The following LDLRAD3 variants were observed in gnomAD, a reference collection of about 807,000 sequenced individuals.
The protein encoded by LDLRAD3 is low-density lipoprotein receptor class A domain-containing protein 3.
A neutral mutation model predicts 29.4 loss-of-function variants in LDLRAD3; 20 were observed. The ratio of observed to expected loss-of-function variants is 0.68; its 90% CI spans 0.48 to 0.99. The LOEUF is 0.99. Among genes scored for constraint, LDLRAD3 ranks in the 50% least tolerant of loss-of-function variants. LDLRAD3 has a pLI of 0.00. For missense variants in LDLRAD3, 420 were observed against 454.3 expected, an observed-to-expected ratio of 0.92 and a Z score of 0.69; for synonymous variants, 157 against 192.7, an observed-to-expected ratio of 0.81 and a Z score of 1.53.
chr11:36,033,583 T>A (rs897294718), intron 1 of LDLRAD3, among the ~76,000 whole-genome samples: 6 of 152,204 alleles, frequency 3.9e-5, no homozygotes, highest in African/African-American at 1.4e-4. Flanking sequence ...TGTAAGTATT[T>A]CCAAACAAAG....
At chr11:36,021,379 A>T (rs548992827) in intron 1 of LDLRAD3, among the ~76,000 whole-genome samples, 1 of 152,272 alleles carries the variant, frequency 6.6e-6, no homozygotes, top group Admixed American at 6.5e-5. Context: ...ATGATCAGAG[A>T]GCCAGGTGTG....
At chr11:36,148,473 A>T (rs1267903074) in intron 4 of LDLRAD3, among the ~76,000 whole-genome samples, 2 of 151,996 alleles carry the variant, frequency 1.3e-5, no homozygotes, top group African/African-American at 2.4e-5. Flanking sequence ...TGCCTTTATG[A>T]TTTTTCTCTC....
chr11:36,096,694 G>A lies in LDLRAD3; in HGVS notation c.320-1633G>A, dbSNP rs184244740. Among the ~76,000 whole-genome samples, 118 of 152,374 alleles carry A rather than the reference G, an allele frequency of 7.7e-4. No homozygotes were observed. The Middle Eastern group carries it at 0.01, about 13-fold the overall frequency. On this transcript the variant is annotated intron_variant, in intron 3 of 5. Transcript: ENST00000315571. ...ATCAGCTTTTTGGCCTGTGGCTGGC[G>A]TAGCCATACAGGGCCAGTGCTTAGC...
At chr11:36,102,901 T>C (rs1853471019) in intron 4 of LDLRAD3, among the ~76,000 whole-genome samples, 1 of 152,156 alleles carries the variant, frequency 6.6e-6, no homozygotes, top group African/African-American at 2.4e-5. Context: ...GATCCCCACC[T>C]CCTGGTATTC....
intron 1 of LDLRAD3, among the ~76,000 whole-genome samples, chr11:36,031,708 C>T (rs1213352672): frequency 2.6e-5 from 4 of 152,288 alleles, no homozygotes; most frequent in South Asian, 2.1e-4. Flanking sequence ...GCGTGAAAAA[C>T]GGGGACCAGC....
At chr11:36,117,348 T>G (rs1157724007) in intron 4 of LDLRAD3, among the ~76,000 whole-genome samples, 1 of 152,204 alleles carries the variant, frequency 6.6e-6, no homozygotes, top group African/African-American at 2.4e-5. Flanking sequence ...TGCAGGGTGT[T>G]AAAATCTGAC....
intron 1 of LDLRAD3, among the ~76,000 whole-genome samples, chr11:36,020,281 G>T (rs1852079803): frequency 1.3e-5 from 2 of 152,068 alleles, no homozygotes; most frequent in South Asian, 4.2e-4. Context: ...AAAATAATAT[G>T]AATAAAAACA....
intron 1 of LDLRAD3, among the ~76,000 whole-genome samples, chr11:35,991,745 G>T (rs1851692587): frequency 6.6e-6 from 1 of 152,166 alleles, no homozygotes; most frequent in Non-Finnish European, 1.5e-5. Flanking sequence ...AATTATTAAT[G>T]CAGGTTTGCT....
rs61879010 is a variant in LDLRAD3, at chr11:36,164,277, C to G, written c.455-62808C>G. Among the ~76,000 whole-genome samples, 669 of 152,332 alleles carry G rather than the reference C, an allele frequency of 4.4e-3. 5 individuals carry two copies. Among genetic ancestry groups the G allele is most frequent in the Middle Eastern group, 0.031 (9 of 294 alleles). On this transcript the variant is annotated intron_variant, in intron 4 of 5. Transcript: ENST00000315571. ...CATCACAAGCTGCCTGCTGCTGATG[C>G]TGTTTCACCTATTTAAAATACCCAA...
chr11:35,994,336 C>CA (rs36041385), intron 1 of LDLRAD3, among the ~76,000 whole-genome samples: 519 of 49,038 alleles, frequency 0.011, 90 homozygotes, highest in Middle Eastern at 0.017. Flanking sequence ...GACTTTGTCT[C>CA]AAAAAAAAAA....
At chr11:36,040,751 T>G (rs1852370560) in intron 2 of LDLRAD3, among the ~76,000 whole-genome samples, 1 of 152,236 alleles carries the variant, frequency 6.6e-6, no homozygotes, top group Non-Finnish European at 1.5e-5. Flanking sequence ...TGACACCGAC[T>G]GCCGACTTGT....
At chr11:35,961,266 A>G (rs1409649049) in intron 1 of LDLRAD3, among the ~76,000 whole-genome samples, 2 of 152,186 alleles carry the variant, frequency 1.3e-5, no homozygotes, top group Non-Finnish European at 2.9e-5. Context: ...CACTGCTGCA[A>G]GAAGATAAGC....
Position 36,152,465 on chromosome 11 carries a change from T to C in LDLRAD3, c.454+54004T>C, listed in dbSNP as rs148253623. On this transcript the variant is annotated intron_variant, in intron 4 of 5. Transcript: ENST00000315571. Reference sequence around the variant, plus strand: ...TCAAACAGAGCCTTAGGTCCTCTGATGCTGGTGCCAGTGCTTTCCCCTTTC... The same window carrying C: ...TCAAACAGAGCCTTAGGTCCTCTGACGCTGGTGCCAGTGCTTTCCCCTTTC... Among the ~76,000 whole-genome samples, 363 of 152,356 alleles carry C rather than the reference T, an allele frequency of 2.4e-3. 1 individual carries two copies. Among genetic ancestry groups the C allele is most frequent in the African/African-American group, 7.9e-3 (328 of 41,588 alleles).
intron 1 of LDLRAD3, among the ~76,000 whole-genome samples, chr11:35,992,450 C>G (rs574200913): frequency 6.6e-5 from 10 of 152,218 alleles, no homozygotes; most frequent in Admixed American, 3.3e-4. Flanking sequence ...CCCACATGTT[C>G]CCCAGTGGAT....
At chr11:36,062,735 G>A (rs893948213) in intron 2 of LDLRAD3, among the ~76,000 whole-genome samples, 3 of 152,182 alleles carry the variant, frequency 2.0e-5, no homozygotes, top group East Asian at 3.9e-4. Context: ...GGCACTTCTC[G>A]CTGCCGCCAT....
chr11:36,053,429 A>T (rs1852557912), intron 2 of LDLRAD3, among the ~76,000 whole-genome samples: 1 of 152,120 alleles, frequency 6.6e-6, no homozygotes, highest in Non-Finnish European at 1.5e-5. Context: ...TTACGTGCTA[A>T]TGAGCTCCCT....
At chr11:36,221,021 A>G (rs543001757) in intron 4 of LDLRAD3, among the ~76,000 whole-genome samples, 1 of 152,180 alleles carries the variant, frequency 6.6e-6, no homozygotes, top group Non-Finnish European at 1.5e-5. Context: ...TTGAAGGGCA[A>G]TGAATATTCC....
chr11:36,073,483 G>A lies in LDLRAD3; in HGVS notation c.194-8170G>A, dbSNP rs144510435. The stretch of plus-strand genomic sequence containing the variant: ...AATCTCCCCTTTGTGGAAATAGGGG[G>A]TGAGAGAGGGACAGTCGGGGCCTTG... On this transcript the variant is annotated intron_variant, in intron 2 of 5. Coordinates refer to ENST00000315571, the MANE Select transcript of LDLRAD3 (RefSeq NM_174902.4). 2.6e-4 allele frequency among the ~76,000 whole-genome samples: 39 copies of A among 152,378 alleles called. No individual in the cohort carries two copies. In the East Asian group the frequency reaches 7.3e-3, roughly 29 times the overall value.
intron 4 of LDLRAD3, among the ~76,000 whole-genome samples, chr11:36,186,337 C>A (rs1854848214): frequency 6.6e-6 from 1 of 152,062 alleles, no homozygotes; most frequent in South Asian, 2.1e-4. Context: ...TTATGCTAGC[C>A]CAGAGAAACT....
Sources: gnomAD v4.1 joint callset for allele counts (sites outside exome capture counted in the v4.1 genomes callset) on GRCh38, gnomAD v4.1.1 for gene constraint, MANE v1.5 for transcripts, NCBI Gene and HGNC (gene_info 2026-07-23, HGNC 2026-07-21) for gene names.